The following GRID1 variants were observed in gnomAD, a reference collection of about 807,000 sequenced individuals.
GRID1 encodes the protein glutamate ionotropic receptor delta type subunit 1.
GRID1 carries 28 observed loss-of-function variants against 98.0 expected under a neutral mutation model. The observed-to-expected ratio is 0.29, with a 90% CI of 0.21 to 0.39. The LOEUF (loss-of-function observed/expected upper bound fraction) is 0.39, where lower values mean the gene tolerates loss of function less well. Ranked by LOEUF, GRID1 falls within the 10% of genes least tolerant of loss-of-function variation. The pLI is 1.00. For synonymous variants in GRID1, 553 were observed against 538.5 expected, an observed-to-expected ratio of 1.03 and a Z score of -0.37; for missense variants, 1,111 against 1,340.5, an observed-to-expected ratio of 0.83 and a Z score of 2.67.
rs558045054 is a variant in GRID1, at chr10:85,809,210, TGAG to T, written c.1233+45283_1233+45285del. Among the ~76,000 whole-genome samples the T allele has an allele frequency of 6.0e-3, 914 of 151,594 alleles. 7 individuals carry two copies. Among genetic ancestry groups the T allele is most frequent in the African/African-American group, 0.02 (839 of 41,342 alleles). On this transcript the variant is annotated intron_variant, in intron 8 of 15. Transcript: ENST00000327946. ...CTGATTCACAGAGAAAAAAATAAAA[TGAG>T]GAAAAAAACAGAGCATAAAAGATAC... is the stretch of plus-strand genomic sequence containing the variant.
intron 8 of GRID1, among the ~76,000 whole-genome samples, chr10:85,811,383 G>C (rs1249969509): frequency 1.3e-5 from 2 of 151,976 alleles, no homozygotes; most frequent in African/African-American, 4.8e-5. Context: ...TGCAGTAATA[G>C]ACCCCAAATC....
intron 4 of GRID1, among the ~76,000 whole-genome samples, chr10:85,967,483 T>C (rs909602622): frequency 1.1e-4 from 16 of 152,190 alleles, no homozygotes; most frequent in Admixed American, 3.3e-4. Flanking sequence ...AAAAAATGCA[T>C]TCAATATAAA....
At chr10:86,300,127 A>G (rs917171289) in intron 2 of GRID1, among the ~76,000 whole-genome samples, 4 of 152,144 alleles carry the variant, frequency 2.6e-5, no homozygotes, top group African/African-American at 9.7e-5. Flanking sequence ...CAGAGAGAAG[A>G]AGCCCATTTG....
At chr10:85,677,789 T>C (rs1440650689) in intron 12 of GRID1, among the ~76,000 whole-genome samples, 1 of 151,320 alleles carries the variant, frequency 6.6e-6, no homozygotes, top group Non-Finnish European at 1.5e-5. Flanking sequence ...TGAAGGAAAA[T>C]AACCTCTAAG....
At chr10:85,729,367 C>A in intron 9 of GRID1, 146 bp downstream of exon 9, 1 of 525,776 alleles carries the variant, frequency 1.9e-6, no homozygotes, top group South Asian at 3.1e-5. Context: ...ATTATTCATA[C>A]AATTATTTGA....
chr10:85,640,945 G>C (rs761910291), intron 13 of GRID1, among the ~76,000 whole-genome samples: 1 of 152,162 alleles, frequency 6.6e-6, no homozygotes, highest in Non-Finnish European at 1.5e-5. Context: ...CCAAATGCTG[G>C]CCTAAAAAGA....
chr10:86,270,567 G>A (rs1007158553), intron 2 of GRID1, among the ~76,000 whole-genome samples: 3 of 152,112 alleles, frequency 2.0e-5, no homozygotes, highest in Non-Finnish European at 2.9e-5. Context: ...GTGCGTGCCT[G>A]TAATCCCAGC....
At chr10:85,938,545 C>T (rs897222378) in intron 4 of GRID1, among the ~76,000 whole-genome samples, 1 of 152,168 alleles carries the variant, frequency 6.6e-6, no homozygotes, top group Non-Finnish European at 1.5e-5. Context: ...CTCATGGTTC[C>T]TATTCTACAA....
intron 2 of GRID1, among the ~76,000 whole-genome samples, chr10:86,279,469 A>G (rs1398092088): frequency 2.6e-5 from 4 of 152,240 alleles, no homozygotes; most frequent in Non-Finnish European, 5.9e-5. Flanking sequence ...AACATTTGCA[A>G]TCAAATCACC....
At chr10:85,986,685 C>CT (rs768204374) in intron 4 of GRID1, among the ~76,000 whole-genome samples, 2 of 152,226 alleles carry the variant, frequency 1.3e-5, no homozygotes, top group Non-Finnish European at 2.9e-5. Context: ...TGTGCCCTGG[C>CT]TGCCTGGTCA....
At chr10:85,871,468 T>C (rs1843277747) in intron 5 of GRID1, among the ~76,000 whole-genome samples, 1 of 152,152 alleles carries the variant, frequency 6.6e-6, no homozygotes, top group South Asian at 2.1e-4. Context: ...GCTAGCCAGG[T>C]TAAGAAAAGC....
At chr10:86,283,633 T>C (rs1466463778) in intron 2 of GRID1, among the ~76,000 whole-genome samples, 1 of 151,262 alleles carries the variant, frequency 6.6e-6, no homozygotes, top group African/African-American at 2.4e-5. Context: ...TACACATATC[T>C]GCCCTCACAC....
chr10:86,304,346 C>G (rs1247859834), intron 2 of GRID1, among the ~76,000 whole-genome samples: 1 of 152,196 alleles, frequency 6.6e-6, no homozygotes, highest in Admixed American at 6.5e-5. Flanking sequence ...TCTTCCTGCC[C>G]CTGGACACAT....
rs191062547 is a variant in GRID1, at chr10:86,323,880, C to T, written c.235+40061G>A. On this transcript the variant is annotated intron_variant, in intron 2 of 15. Coordinates refer to ENST00000327946, the MANE Select transcript of GRID1 (RefSeq NM_017551.3). ...GTAGTGAGAAAAAACTAAAACTTATCATTAAAACTTTATTGAGGCCCAGCA... is the reference window on the plus strand; with the variant it reads ...GTAGTGAGAAAAAACTAAAACTTATTATTAAAACTTTATTGAGGCCCAGCA... Among the ~76,000 whole-genome samples the T allele has an allele frequency of 3.9e-3, 595 of 152,236 alleles. 3 individuals carry two copies. The highest frequency in any genetic ancestry group is 6.6e-3 in the Non-Finnish European group (446 of 68,016).
chr10:86,132,155 C>T (rs4132195), intron 4 of GRID1, among the ~76,000 whole-genome samples: 36,899 of 151,958 alleles, frequency 0.24, 5,707 homozygotes, highest in African/African-American at 0.43. Context: ...CCAGTGCTGG[C>T]TGACACCGGG....
chr10:85,696,349 A>T (rs1325885482), intron 12 of GRID1, among the ~76,000 whole-genome samples: 2 of 152,100 alleles, frequency 1.3e-5, no homozygotes, highest in African/African-American at 4.8e-5. Context: ...GTATCTAGGA[A>T]GGCCATTCTG....
chr10:86,055,241 T>C (rs545677131), intron 4 of GRID1, among the ~76,000 whole-genome samples: 4 of 152,380 alleles, frequency 2.6e-5, no homozygotes, highest in African/African-American at 7.2e-5. Context: ...TGCATTATTA[T>C]GGCAATAAAT....
At chr10:86,069,567 G>T (rs1307603711) in intron 4 of GRID1, among the ~76,000 whole-genome samples, 1 of 152,166 alleles carries the variant, frequency 6.6e-6, no homozygotes, top group East Asian at 1.9e-4. Flanking sequence ...AGAATGGCGT[G>T]AACCCGGGAG....
At chr10:85,977,684 C>T (rs978061407) in intron 4 of GRID1, among the ~76,000 whole-genome samples, 1 of 152,240 alleles carries the variant, frequency 6.6e-6, no homozygotes, top group African/African-American at 2.4e-5. Flanking sequence ...AGACACAACG[C>T]AGTGGGCTGG....
Sources: allele counts gnomAD v4.1 joint callset (sites outside exome capture counted in the v4.1 genomes callset), GRCh38; gene constraint gnomAD v4.1.1; transcripts MANE v1.5; gene names NCBI Gene and HGNC (gene_info 2026-07-23, HGNC 2026-07-21).